The following ACAA2 variants were observed in gnomAD, a reference collection of about 807,000 sequenced individuals.
ACAA2 encodes 3-ketoacyl-CoA thiolase, mitochondrial.
ACAA2 carries 35 observed loss-of-function variants against 44.8 expected under a neutral mutation model. The ratio of observed to expected loss-of-function variants is 0.78; its 90% CI spans 0.60 to 1.04. The LOEUF (loss-of-function observed/expected upper bound fraction) is 1.04, where lower values mean the gene tolerates loss of function less well. ACAA2 is among the 50% of genes least tolerant of loss of function. The pLI, the probability that ACAA2 is intolerant of heterozygous loss-of-function variation, is 0.00. For missense variants in ACAA2, 468 were observed against 482.6 expected, an observed-to-expected ratio of 0.97 and a Z score of 0.28; for synonymous variants, 142 against 166.5, an observed-to-expected ratio of 0.85 and a Z score of 1.13.
chr18:49,785,098 A>T (rs1219374838), intron 9 of ACAA2, 99 bp downstream of exon 9: 6 of 1,408,778 alleles, frequency 4.3e-6, no homozygotes, highest in Non-Finnish European at 5.8e-6. Context: ...AGGAGACATG[A>T]AGAAGAATGA....
chr18:49,808,724 C>T (rs993492501), intron 1 of ACAA2, among the ~76,000 whole-genome samples: 1 of 152,134 alleles, frequency 6.6e-6, no homozygotes, highest in African/African-American at 2.4e-5. Context: ...AGATCACATG[C>T]TTCTGAGGCC....
chr18:49,785,472 A>G, intron 8 of ACAA2, 121 bp from the exon 9 acceptor site: 3 of 919,238 alleles, frequency 3.3e-6, no homozygotes, highest in Non-Finnish European at 5.0e-6. Context: ...ATTACCTCGC[A>G]AAGTTATTTT....
chr18:49,782,411 A>G lies in ACAA2; in HGVS notation c.*1436T>C, dbSNP rs528975406. 1.3e-5 allele frequency: 2 copies of G among 152,276 alleles called. No individual in the cohort carries two copies. The highest frequency in any genetic ancestry group is 1.3e-4 in the Admixed American group (2 of 15,280). 9.4% of individuals were successfully genotyped at this position (152,276 alleles called of 1,614,324 possible). ...TTAATCAAATGAAGGAAACCATATA[A>G]GCAAAGGGTTGAGGAAACAGTGTAG... On this transcript the variant is annotated 3_prime_UTR_variant, in exon 10 of 10. Transcript: ENST00000285093.
intron 2 of ACAA2, among the ~76,000 whole-genome samples, chr18:49,801,133 A>G (rs1192895921): frequency 6.6e-6 from 1 of 152,222 alleles, no homozygotes; most frequent in Non-Finnish European, 1.5e-5. Flanking sequence ...AATAATATAA[A>G]ACTCAATTAG....
intron 1 of ACAA2, among the ~76,000 whole-genome samples, chr18:49,809,052 G>A (rs1217866229): frequency 6.6e-6 from 1 of 152,046 alleles, no homozygotes; most frequent in Non-Finnish European, 1.5e-5. Flanking sequence ...CTTTTCCTAG[G>A]GTCTTAACAT....
intron 1 of ACAA2, 49 bp downstream of exon 1, chr18:49,813,420 G>C: frequency 8.2e-7 from 1 of 1,222,128 alleles, no homozygotes; most frequent in South Asian, 4.2e-5. Flanking sequence ...CTGGCCTGGG[G>C]AGGGCAGGAC....
chr18:49,787,253 A>G, intron 8 of ACAA2, 38 bp downstream of exon 8: 2 of 1,214,580 alleles, frequency 1.6e-6, no homozygotes, highest in Non-Finnish European at 2.1e-6. Context: ...TGGTTTATTC[A>G]TGTTGTTAAA....
At chr18:49,800,481 G>C (rs917300267) in intron 2 of ACAA2, among the ~76,000 whole-genome samples, 4 of 152,228 alleles carry the variant, frequency 2.6e-5, no homozygotes, top group Non-Finnish European at 4.4e-5. Context: ...AAGGGATTGA[G>C]AAATCGGATG....
chr18:49,783,853 T>C lies in ACAA2; in HGVS notation c.1188A>G (p.Thr396=), dbSNP rs2023294369. The C allele has an allele frequency of 1.9e-6, 3 of 1,612,254 alleles. No individual in the cohort carries two copies. Among genetic ancestry groups the C allele is most frequent in the African/African-American group, 1.3e-5 (1 of 74,870 alleles). Residue 396 remains threonine, a synonymous_variant, in exon 10 of 10, where the codon ACA becomes ACG. Transcript: ENST00000285093. ...GQGIAVIIQS[T]A is the part of the protein sequence containing the mutation. ...AGTGAGCTCACTGGTCTCTTCAGGC[T>C]GTGCTCTGAATGATGACAGCAATAC... is the stretch of plus-strand genomic sequence containing the variant.
chr18:49,799,985 C>A (rs1490454624), intron 2 of ACAA2, among the ~76,000 whole-genome samples: 4 of 151,006 alleles, frequency 2.6e-5, no homozygotes, highest in Non-Finnish European at 4.4e-5. Flanking sequence ...CCGGCAGCCA[C>A]CCCATCTGAG....
At chr18:49,786,813 T>C (rs1438929068) in intron 8 of ACAA2, among the ~76,000 whole-genome samples, 1 of 152,196 alleles carries the variant, frequency 6.6e-6, no homozygotes, top group Non-Finnish European at 1.5e-5. Flanking sequence ...AAAATTATGA[T>C]AGGTGCATCC....
intron 8 of ACAA2, among the ~76,000 whole-genome samples, chr18:49,786,870 G>A (rs1282362976): frequency 6.6e-6 from 1 of 152,166 alleles, no homozygotes; most frequent in Non-Finnish European, 1.5e-5. Flanking sequence ...TACATTTAAG[G>A]GAGGGGGCTC....
intron 7 of ACAA2, among the ~76,000 whole-genome samples, chr18:49,788,174 C>T (rs1028848428): frequency 4.6e-5 from 7 of 152,150 alleles, no homozygotes; most frequent in Admixed American, 3.9e-4. Flanking sequence ...AATTTAAATC[C>T]ATATTTTTTC....
chr18:49,786,505 C>T (rs2023330894), intron 8 of ACAA2: 1 of 152,086 alleles, frequency 6.6e-6, no homozygotes, highest in South Asian at 2.1e-4. Context: ...AAAGATAAAC[C>T]ATTTGTCTGA....
Position 49,785,306 on chromosome 18 carries a change from A to G in ACAA2, c.1000T>C (p.Leu334=). 1.9e-6 allele frequency: 3 copies of G among 1,614,124 alleles called. No individual in the cohort carries two copies. Among genetic ancestry groups the G allele is most frequent in the Non-Finnish European group, 8.5e-7 (1 of 1,180,012 alleles). ...TTGGTTTTACTTATGTCAAGATCCA[A>G]ACTCCTCTCAACAGCCAAGTACTGG... ...APQYLAVERS[L]DLDISKTNVN... Residue 334 remains leucine (L), a synonymous_variant, in exon 9 of 10, where the codon TTG becomes CTG. Transcript: ENST00000285093.
At chr18:49,798,109 G>C (rs1286515617) in intron 2 of ACAA2, among the ~76,000 whole-genome samples, 1 of 152,076 alleles carries the variant, frequency 6.6e-6, no homozygotes, top group Non-Finnish European at 1.5e-5. Flanking sequence ...GAATAACCTA[G>C]GAAGCTTTAT....
chr18:49,811,843 T>TA (rs2023673073), intron 1 of ACAA2, among the ~76,000 whole-genome samples: 1 of 152,174 alleles, frequency 6.6e-6, no homozygotes, highest in African/African-American at 2.4e-5. Flanking sequence ...GCTCTAACAC[T>TA]ACAGTAAATT....
chr18:49,787,269 A>C, intron 8 of ACAA2, 22 bp downstream of exon 8: 1 of 1,432,806 alleles, frequency 7.0e-7, no homozygotes, highest in African/African-American at 1.6e-5. Context: ...TTAAAAAAAA[A>C]AAAAAAAAAA....
chr18:49,809,329 C>T (rs956986396), intron 1 of ACAA2, among the ~76,000 whole-genome samples: 9 of 152,104 alleles, frequency 5.9e-5, no homozygotes, highest in African/African-American at 1.9e-4. Flanking sequence ...CCTCAGCTTA[C>T]GAAGATAACG....
Sources: gnomAD v4.1 joint callset for allele counts (sites outside exome capture counted in the v4.1 genomes callset) on GRCh38, gnomAD v4.1.1 for gene constraint, MANE v1.5 for transcripts, NCBI Gene and HGNC (gene_info 2026-07-23, HGNC 2026-07-21) for gene names.